TENM3: variants seen among roughly 807,000 people sequenced by gnomAD.
TENM3 encodes the protein teneurin transmembrane protein 3.
Under a neutral mutation model 255.1 loss-of-function variants are expected in TENM3, and 63 were observed. That is an observed-to-expected ratio of 0.25 (90% CI 0.20 to 0.30). The LOEUF is 0.30. Among genes scored for constraint, TENM3 ranks in the 10% least tolerant of loss-of-function variants. The pLI, the probability that TENM3 is intolerant of heterozygous loss-of-function variation, is 1.00. For missense variants in TENM3, 2,929 were observed against 3,461.1 expected, an observed-to-expected ratio of 0.85 and a Z score of 3.86; for synonymous variants, 1,306 against 1,322.3, an observed-to-expected ratio of 0.99 and a Z score of 0.27.
chr4:182,680,441 G>C lies in TENM3; in HGVS notation c.1639+92G>C, dbSNP rs11934254. Reference sequence around the variant, plus strand: ...AACTACCGAGACAGGAAAGAAAGGGGGGGGGAGACTGGCATATTGCTTGTT... The same window carrying C: ...AACTACCGAGACAGGAAAGAAAGGGCGGGGGAGACTGGCATATTGCTTGTT... On this transcript the variant is annotated intron_variant, in intron 9 of 27. Coordinates refer to ENST00000511685, the MANE Select transcript of TENM3 (RefSeq NM_001080477.4). The C allele has an allele frequency of 1.1e-5, 15 of 1,401,810 alleles. No individual in the cohort carries two copies. In the Admixed American group the frequency reaches 1.7e-4, roughly 16 times the overall value. The allele number at this position is 1,401,810 out of a possible 1,614,324, so 86.8% of individuals were successfully genotyped here. A position where few individuals can be genotyped will look rare whatever the true frequency, so the allele number is the denominator to read the frequency against.
chr4:182,508,290 A>T (rs1482147265), intron 3 of TENM3, among the ~76,000 whole-genome samples: 2 of 152,140 alleles, frequency 1.3e-5, no homozygotes, highest in Non-Finnish European at 2.9e-5. Flanking sequence ...TGTGTAGGGC[A>T]AGGTCTGTGA....
the TENM3 span, among the ~76,000 whole-genome samples, chr4:181,917,179 C>T: frequency 2.0e-5 from 3 of 152,076 alleles, no homozygotes; most frequent in East Asian, 1.9e-4. Flanking sequence ...TCCCAACATT[C>T]GTGGAGCTTA....
chr4:181,611,089 G>T, the TENM3 span, among the ~76,000 whole-genome samples: 57 of 152,102 alleles, frequency 3.7e-4, no homozygotes, highest in African/African-American at 1.4e-3. Context: ...GCATGCTAAG[G>T]AACATGTTGT....
chr4:182,076,636 C>T, the TENM3 span, among the ~76,000 whole-genome samples: 1 of 152,202 alleles, frequency 6.6e-6, no homozygotes, highest in Non-Finnish European at 1.5e-5. Context: ...TGACATGTCT[C>T]TTCTAAACAC....
Position 182,754,455 on chromosome 4 carries a change from A to T in TENM3, c.4088A>T (p.Asn1363Ile), listed in dbSNP as rs770138936. The T allele has an allele frequency of 1.2e-6, 2 of 1,612,064 alleles. No homozygotes were observed. The highest frequency in any genetic ancestry group is 2.7e-5 in the African/African-American group (2 of 74,928). The change falls in exon 22 of 28, where the codon AAT (asparagine) becomes ATT (isoleucine). Residue 1363 changes from asparagine to isoleucine, a missense_variant. Asn to Ile is a moderately radical substitution (Grantham distance 149). Around this residue, in one of 6 missense-constraint regions of TENM3, gnomAD observed 1,608 missense variants for 1,884.4 expected, o/e 0.85. Coordinates refer to ENST00000511685, the MANE Select transcript of TENM3 (RefSeq NM_001080477.4). The surrounding 1 kb of genome is among the most constrained non-coding windows in gnomAD (Gnocchi z 5.1). ...AACTCCATTTATGTCCTGGATAATA[A>T]TGTAGTTTTACAGATCACTGAAAAT... The part of the protein sequence containing the change: ...MDNSIYVLDN[N>I]VVLQITENRQ...
the TENM3 span, among the ~76,000 whole-genome samples, chr4:181,492,325 A>G: frequency 2.0e-5 from 3 of 152,230 alleles, no homozygotes; most frequent in Non-Finnish European, 2.9e-5. Flanking sequence ...GCCAGTCTCA[A>G]AAGAACAGTC....
At chr4:182,001,663 TGAG>T in the TENM3 span, among the ~76,000 whole-genome samples, 1 of 152,144 alleles carries the variant, frequency 6.6e-6, no homozygotes, top group African/African-American at 2.4e-5. Flanking sequence ...GGCAGGTACT[TGAG>T]GAGCGACTTG....
At chr4:182,727,459 A>AAAAAAAAAG (rs1249853639) in intron 13 of TENM3, among the ~76,000 whole-genome samples, 3 of 151,818 alleles carry the variant, frequency 2.0e-5, no homozygotes, top group African/African-American at 7.3e-5. Context: ...CAGTCTCAAA[A>AAAAAAAAAG]AAAAAGAAAG....
chr4:182,384,942 A>G (rs1767808457), intron 3 of TENM3, among the ~76,000 whole-genome samples: 1 of 151,322 alleles, frequency 6.6e-6, no homozygotes, highest in South Asian at 2.1e-4. Context: ...TTCTACTGAC[A>G]GAGTTAGCAG....
the TENM3 span, among the ~76,000 whole-genome samples, chr4:181,746,437 C>T: frequency 6.6e-6 from 1 of 151,902 alleles, no homozygotes; most frequent in Non-Finnish European, 1.5e-5. Context: ...AGGCGAATGG[C>T]CTGGGGGGTC....
At chr4:181,646,958 A>G in the TENM3 span, among the ~76,000 whole-genome samples, 1 of 152,362 alleles carries the variant, frequency 6.6e-6, no homozygotes, top group East Asian at 1.9e-4. Context: ...TTAAATGGAC[A>G]GGGGAAATAA....
At chr4:181,889,511 A>C in the TENM3 span, among the ~76,000 whole-genome samples, 1 of 152,214 alleles carries the variant, frequency 6.6e-6, no homozygotes, top group Non-Finnish European at 1.5e-5. Context: ...AGCCTAGCAC[A>C]CATGGTATGC....
At chr4:182,226,703 G>A (rs1167551475) in intron 1 of TENM3, among the ~76,000 whole-genome samples, 2 of 152,058 alleles carry the variant, frequency 1.3e-5, no homozygotes, top group African/African-American at 2.4e-5. Context: ...CTATAGCAAA[G>A]ACCATACCCA....
At chr4:182,363,407 T>C (rs1452123629) in intron 3 of TENM3, among the ~76,000 whole-genome samples, 1 of 151,854 alleles carries the variant, frequency 6.6e-6, no homozygotes, top group Non-Finnish European at 1.5e-5. Flanking sequence ...ATGTATATAT[T>C]CATATATGTA....
At chr4:182,388,387 C>G (rs920888800) in intron 3 of TENM3, among the ~76,000 whole-genome samples, 4 of 152,136 alleles carry the variant, frequency 2.6e-5, no homozygotes. Flanking sequence ...AATGTACACC[C>G]ACTTCTTCAA....
At chr4:181,794,225 T>A in the TENM3 span, among the ~76,000 whole-genome samples, 3 of 152,130 alleles carry the variant, frequency 2.0e-5, no homozygotes, top group Non-Finnish European at 4.4e-5. Context: ...ACTACCACAG[T>A]AAAACTAATT....
chr4:182,254,693 T>C (rs931429369), intron 1 of TENM3, among the ~76,000 whole-genome samples: 11 of 152,212 alleles, frequency 7.2e-5, no homozygotes, highest in Non-Finnish European at 1.3e-4. Flanking sequence ...AGAAGTCTTT[T>C]ATTTCTTTGG....
chr4:181,607,478 G>C, the TENM3 span, among the ~76,000 whole-genome samples: 1 of 150,832 alleles, frequency 6.6e-6, no homozygotes, highest in Non-Finnish European at 1.5e-5. Context: ...GCAGTGGCAC[G>C]ATCTCGGCTC....
the TENM3 span, among the ~76,000 whole-genome samples, chr4:181,805,842 A>G: frequency 1.3e-5 from 2 of 152,184 alleles, no homozygotes; most frequent in Non-Finnish European, 2.9e-5. Context: ...GATGACACGT[A>G]TATTGACATA....
Sources: gnomAD v4.1 joint callset for allele counts (sites outside exome capture counted in the v4.1 genomes callset) on GRCh38, gnomAD v4.1.1 for gene constraint, gnomAD v4.1.1 regional missense constraint, Gnocchi (gnomAD v3.1) non-coding constraint, MANE v1.5 for transcripts, NCBI Gene and HGNC (gene_info 2026-07-23, HGNC 2026-07-21) for gene names.